ADGRL3: variants seen among roughly 807,000 people sequenced by gnomAD.
ADGRL3 encodes adhesion G protein-coupled receptor L3.
Under a neutral mutation model 153.5 loss-of-function variants are expected in ADGRL3, and 62 were observed. The observed-to-expected ratio is 0.40, with a 90% CI of 0.33 to 0.50. The LOEUF (loss-of-function observed/expected upper bound fraction) is 0.50, where lower values mean the gene tolerates loss of function less well. ADGRL3 is among the 20% of genes least tolerant of loss of function. The pLI, the probability that ADGRL3 is intolerant of heterozygous loss-of-function variation, is 0.47. For synonymous variants in ADGRL3, 710 were observed against 672.5 expected (o/e 1.06, Z -0.86); for missense variants, 1,641 against 1,859.4 (o/e 0.88, Z 2.16).
chr4:61,958,798 A>G (rs184354068), intron 17 of ADGRL3, among the ~76,000 whole-genome samples: 1 of 152,200 alleles, frequency 6.6e-6, no homozygotes, highest in Non-Finnish European at 1.5e-5. Flanking sequence ...TTGGGTGGGA[A>G]CAGAGAGCTA....
chr4:61,867,400 T>C (rs2098406992), intron 9 of ADGRL3, among the ~76,000 whole-genome samples: 2 of 150,946 alleles, frequency 1.3e-5, no homozygotes, highest in South Asian at 4.2e-4. Context: ...CTTAGGAATC[T>C]GAGGCGGGAG....
At chr4:61,465,496 A>G (rs2097868031) in intron 2 of ADGRL3, among the ~76,000 whole-genome samples, 1 of 152,024 alleles carries the variant, frequency 6.6e-6, no homozygotes, top group African/African-American at 2.4e-5. Flanking sequence ...ATTGGTCCTC[A>G]TTCTATTAAT....
At chr4:61,547,204 T>C (rs1497915) in intron 4 of ADGRL3, among the ~76,000 whole-genome samples, 56,979 of 151,852 alleles carry the variant, frequency 0.38, 11,269 homozygotes, top group East Asian at 0.76. Flanking sequence ...GTTAAATATT[T>C]ACCAGCACAC....
intron 5 of ADGRL3, among the ~76,000 whole-genome samples, chr4:61,646,819 C>A (rs956758250): frequency 1.2e-4 from 19 of 152,182 alleles, no homozygotes; most frequent in Admixed American, 2.6e-4. Context: ...TTTGAGCTTC[C>A]CAGCTGCTTT....
intron 1 of ADGRL3, among the ~76,000 whole-genome samples, chr4:61,366,692 T>C (rs965303009): frequency 2.0e-5 from 3 of 152,214 alleles, no homozygotes; most frequent in Non-Finnish European, 4.4e-5. Context: ...GTAAATTTGC[T>C]TTTGTATTCC....
intron 9 of ADGRL3, among the ~76,000 whole-genome samples, chr4:61,862,987 G>A (rs1050789333): frequency 3.9e-5 from 6 of 152,094 alleles, no homozygotes; most frequent in Non-Finnish European, 8.8e-5. Context: ...TGAGTAGGCT[G>A]GGGAAACAGT....
chr4:61,537,171 ATTT>A (rs35245648), intron 4 of ADGRL3, among the ~76,000 whole-genome samples: 1 of 146,574 alleles, frequency 6.8e-6, no homozygotes, highest in Non-Finnish European at 1.5e-5. Flanking sequence ...CTTGCCTTGC[ATTT>A]TTTTTTTTTT....
At chr4:61,577,307 G>T (rs1484994221) in intron 4 of ADGRL3, among the ~76,000 whole-genome samples, 1 of 151,776 alleles carries the variant, frequency 6.6e-6, no homozygotes, top group Non-Finnish European at 1.5e-5. Flanking sequence ...GCATTTGTTT[G>T]TTGCTTAATA....
chr4:61,408,770 A>AT (rs1351145204), intron 2 of ADGRL3, among the ~76,000 whole-genome samples: 3 of 151,900 alleles, frequency 2.0e-5, no homozygotes, highest in Non-Finnish European at 2.9e-5. Context: ...TTATAACCTG[A>AT]TTTTTTTTCT....
chr4:61,836,018 A>G (rs573546898), intron 9 of ADGRL3, among the ~76,000 whole-genome samples: 12 of 152,164 alleles, frequency 7.9e-5, no homozygotes, highest in Non-Finnish European at 1.6e-4. Flanking sequence ...GTAGCCTGAC[A>G]TGGTCGCAAA....
intron 4 of ADGRL3, among the ~76,000 whole-genome samples, chr4:61,519,205 C>T (rs942611004): frequency 1.3e-5 from 2 of 152,044 alleles, no homozygotes; most frequent in African/African-American, 2.4e-5. Context: ...TTTCTAAGAA[C>T]TTTATACTGA....
At chr4:61,229,545 T>C (rs1186190528) in intron 1 of ADGRL3, among the ~76,000 whole-genome samples, 2 of 152,130 alleles carry the variant, frequency 1.3e-5, no homozygotes, top group Non-Finnish European at 2.9e-5. Flanking sequence ...TAAACTGTTT[T>C]CTTTTAATCC....
At chr4:61,960,158 C>G (rs17292121) in intron 17 of ADGRL3, among the ~76,000 whole-genome samples, 13,955 of 152,138 alleles carry the variant, frequency 0.092, 786 homozygotes, top group East Asian at 0.19. Context: ...TCACTGAACA[C>G]TCTTGTCATA....
At chr4:61,401,271 T>G (rs972964018) in intron 2 of ADGRL3, among the ~76,000 whole-genome samples, 2 of 151,900 alleles carry the variant, frequency 1.3e-5, no homozygotes, top group Non-Finnish European at 2.9e-5. Flanking sequence ...ATACTGGATC[T>G]ATTAAAAAGA....
At chr4:61,255,993 T>C (rs2091924726) in intron 1 of ADGRL3, among the ~76,000 whole-genome samples, 1 of 152,190 alleles carries the variant, frequency 6.6e-6, no homozygotes. Context: ...CCCCAATCTT[T>C]TAAGTTCCTT....
intron 21 of ADGRL3, among the ~76,000 whole-genome samples, chr4:62,013,216 T>C (rs2151279202): frequency 6.6e-6 from 1 of 152,238 alleles, no homozygotes; most frequent in Non-Finnish European, 1.5e-5. Flanking sequence ...GGCCTTCAGA[T>C]ATTGTTAATT....
intron 20 of ADGRL3, among the ~76,000 whole-genome samples, chr4:61,997,542 T>A (rs922348211): frequency 2.0e-5 from 3 of 152,158 alleles, no homozygotes; most frequent in Non-Finnish European, 2.9e-5. Context: ...GTGGTTTTTT[T>A]ATACAGTTTA....
chr4:61,310,357 C>G (rs1208583932), intron 1 of ADGRL3, among the ~76,000 whole-genome samples: 2 of 151,972 alleles, frequency 1.3e-5, no homozygotes, highest in Non-Finnish European at 2.9e-5. Flanking sequence ...GCATTGATTT[C>G]TGACAGATGC....
In ADGRL3 at chr4:61,643,210, G is replaced by T. The variant is rs529624548; in HGVS notation, c.474-33616G>T. Among the ~76,000 whole-genome samples the T allele has an allele frequency of 4.5e-3, 677 of 152,072 alleles. 6 individuals carry two copies. The highest frequency in any genetic ancestry group is 0.015 in the African/African-American group (639 of 41,438). On this transcript the variant is annotated intron_variant, in intron 5 of 26. Transcript: ENST00000683033. ...TGGGCTGAGACAATGGGGTTTTCTA[G>T]ATATACAATCATGTTGTCTGCAAAC...
Sources: gnomAD v4.1 joint callset for allele counts (sites outside exome capture counted in the v4.1 genomes callset) on GRCh38, gnomAD v4.1.1 for gene constraint, MANE v1.5 for transcripts, NCBI Gene and HGNC (gene_info 2026-07-23, HGNC 2026-07-21) for gene names.